The following DCAF12 variants were observed in gnomAD, a reference collection of about 807,000 sequenced individuals.
DCAF12 encodes the protein DDB1- and CUL4-associated factor 12.
Under a neutral mutation model 52.8 loss-of-function variants are expected in DCAF12, and 28 were observed. That is an observed-to-expected ratio of 0.53 (90% CI 0.39 to 0.73). The LOEUF (loss-of-function observed/expected upper bound fraction) is 0.73, where lower values mean the gene tolerates loss of function less well. Ranked by LOEUF, DCAF12 falls within the 30% of genes least tolerant of loss-of-function variation. DCAF12 has a pLI of 0.00. For synonymous variants in DCAF12, 196 were observed against 215.5 expected, an observed-to-expected ratio of 0.91 and a Z score of 0.79; for missense variants, 425 against 552.2, an observed-to-expected ratio of 0.77 and a Z score of 2.31.
chr9:34,121,853 G>A (rs533197369), intron 2 of DCAF12, among the ~76,000 whole-genome samples: 1 of 152,304 alleles, frequency 6.6e-6, no homozygotes, highest in Non-Finnish European at 1.5e-5. Context: ...TGAGGCGGGA[G>A]AATCGATTGA....
intron 4 of DCAF12, among the ~76,000 whole-genome samples, chr9:34,103,160 C>T (rs1481637649): frequency 2.7e-5 from 4 of 150,148 alleles, no homozygotes; most frequent in African/African-American, 9.8e-5. Flanking sequence ...GCCTGTAATC[C>T]CGGCACTTTA....
chr9:34,126,270 G>T, intron 1 of DCAF12, 84 bp downstream of exon 1: 1 of 1,537,508 alleles, frequency 6.5e-7, no homozygotes, highest in South Asian at 1.2e-5. Context: ...CCTGGACCCC[G>T]ATTCCCGTCG....
intron 2 of DCAF12, among the ~76,000 whole-genome samples, chr9:34,114,175 T>G (rs1258831990): frequency 6.6e-6 from 1 of 152,118 alleles, no homozygotes; most frequent in Non-Finnish European, 1.5e-5. Context: ...ATGAAATCCT[T>G]TGGACAACAT....
At chr9:34,107,587 G>A in intron 2 of DCAF12, 22 bp from the exon 3 acceptor site, 1 of 1,610,340 alleles carries the variant, frequency 6.2e-7, no homozygotes, top group Non-Finnish European at 8.5e-7. Context: ...AATGGATACA[G>A]AAGCTGAACA....
At chr9:34,093,968 T>G (rs977786926) in intron 6 of DCAF12, among the ~76,000 whole-genome samples, 3 of 152,198 alleles carry the variant, frequency 2.0e-5, no homozygotes, top group African/African-American at 7.2e-5. Context: ...ACCCTGGGTC[T>G]TCGTCAGTTA....
At chr9:34,091,108 C>T (rs982694323) in intron 7 of DCAF12, among the ~76,000 whole-genome samples, 2 of 152,022 alleles carry the variant, frequency 1.3e-5, no homozygotes, top group African/African-American at 2.4e-5. Flanking sequence ...GAGTGGATCA[C>T]TTGAGGTCAG....
At chr9:34,092,706 CA>C (rs1399495278) in intron 7 of DCAF12, among the ~76,000 whole-genome samples, 4 of 149,528 alleles carry the variant, frequency 2.7e-5, no homozygotes, top group African/African-American at 4.9e-5. Context: ...ACAACAACAA[CA>C]AAAAAAAAGT....
At chr9:34,089,976 C>G (rs562480747) in intron 7 of DCAF12, 28 of 166,978 alleles carry the variant, frequency 1.7e-4, no homozygotes, top group African/African-American at 5.7e-4. Flanking sequence ...TACACTGCAA[C>G]TCAAGGTAAT....
chr9:34,100,191 T>A (rs978344289), intron 4 of DCAF12, among the ~76,000 whole-genome samples: 24 of 144,866 alleles, frequency 1.7e-4, no homozygotes, highest in African/African-American at 5.6e-4. Context: ...TGCACCCCCA[T>A]GACTGGCTTT....
intron 1 of DCAF12, among the ~76,000 whole-genome samples, chr9:34,126,057 C>G (rs1829245104): frequency 1.3e-5 from 2 of 152,314 alleles, no homozygotes; most frequent in South Asian, 4.1e-4. Context: ...CCCTTAACTT[C>G]GGTTTCCCCT....
chr9:34,105,907 C>A (rs559079761), intron 4 of DCAF12, among the ~76,000 whole-genome samples: 1 of 151,944 alleles, frequency 6.6e-6, no homozygotes, highest in Non-Finnish European at 1.5e-5. Flanking sequence ...CACGACCACA[C>A]TCAGCTAATT....
chr9:34,113,176 C>T (rs117997985), intron 2 of DCAF12, among the ~76,000 whole-genome samples: 13,799 of 151,778 alleles, frequency 0.091, 907 homozygotes, highest in Non-Finnish European at 0.13. Flanking sequence ...TCAGCCTCGC[C>T]GAGTACCTGG....
At chr9:34,117,365 T>C (rs1258215814) in intron 2 of DCAF12, among the ~76,000 whole-genome samples, 3 of 151,260 alleles carry the variant, frequency 2.0e-5, no homozygotes, top group Non-Finnish European at 4.4e-5. Flanking sequence ...TTAGCCAGGA[T>C]GGTCTTGATC....
chr9:34,093,636 A>G, intron 6 of DCAF12, 188 bp from the exon 7 acceptor site: 4 of 591,042 alleles, frequency 6.8e-6, no homozygotes, highest in South Asian at 4.2e-5. Context: ...ATGTTAATAA[A>G]CGGTAAGACC....
chr9:34,102,625 C>A (rs1828846608), intron 4 of DCAF12, among the ~76,000 whole-genome samples: 1 of 151,680 alleles, frequency 6.6e-6, no homozygotes, highest in Non-Finnish European at 1.5e-5. Flanking sequence ...TGCACTCCAG[C>A]CTGGATGACA....
intron 2 of DCAF12, chr9:34,110,042 TATATA>T (rs142673522): frequency 0.092 from 13,312 of 144,130 alleles, 841 homozygotes; most frequent in Non-Finnish European, 0.13. Flanking sequence ...TATTTAAATA[TATATA>T]ATATATGTTT....
chr9:34,112,228 A>G (rs567575058), intron 2 of DCAF12, among the ~76,000 whole-genome samples: 2 of 152,070 alleles, frequency 1.3e-5, no homozygotes, highest in South Asian at 2.1e-4. Flanking sequence ...CTGAGATCCA[A>G]TAATACTTTC....
At chr9:34,100,405 A>G (rs1828810093) in intron 4 of DCAF12, among the ~76,000 whole-genome samples, 1 of 150,946 alleles carries the variant, frequency 6.6e-6, no homozygotes, top group African/African-American at 2.4e-5. Flanking sequence ...TCACTGTGTT[A>G]GCCAGGATGG....
intron 7 of DCAF12, among the ~76,000 whole-genome samples, chr9:34,091,025 C>G (rs1395339963): frequency 6.6e-6 from 1 of 151,664 alleles, no homozygotes; most frequent in Non-Finnish European, 1.5e-5. Context: ...AGCATTTTAA[C>G]TATAATTAAG....
Sources: gnomAD v4.1 joint callset for allele counts (sites outside exome capture counted in the v4.1 genomes callset) on GRCh38, gnomAD v4.1.1 for gene constraint, MANE v1.5 for transcripts, NCBI Gene and HGNC (gene_info 2026-07-23, HGNC 2026-07-21) for gene names.